The following CNTNAP5 variants were observed in gnomAD, a reference collection of about 807,000 sequenced individuals.
CNTNAP5 encodes contactin-associated protein-like 5.
Under a neutral mutation model 150.2 loss-of-function variants are expected in CNTNAP5, and 72 were observed. The ratio of observed to expected loss-of-function variants is 0.48; its 90% CI spans 0.40 to 0.58. CNTNAP5 has a LOEUF of 0.58. Ranked by LOEUF, CNTNAP5 falls within the 20% of genes least tolerant of loss-of-function variation. The pLI is 0.00. For synonymous variants in CNTNAP5, 672 were observed against 619.8 expected, an observed-to-expected ratio of 1.08 and a Z score of -1.25; for missense variants, 1,636 against 1,626.2, an observed-to-expected ratio of 1.01 and a Z score of -0.10.
chr2:124,387,198 A>G (rs1372995631), intron 3 of CNTNAP5, among the ~76,000 whole-genome samples: 20 of 152,376 alleles, frequency 1.3e-4, no homozygotes, highest in Non-Finnish European at 1.5e-5. Flanking sequence ...TTGTGGCCTG[A>G]TAAAGATGAG....
chr2:124,665,420 TGTTA>T (rs1256114150), intron 13 of CNTNAP5, among the ~76,000 whole-genome samples: 1 of 152,228 alleles, frequency 6.6e-6, no homozygotes, highest in African/African-American at 2.4e-5. Flanking sequence ...ATAGTTTCAG[TGTTA>T]GTTCAAGCTA....
intron 7 of CNTNAP5, among the ~76,000 whole-genome samples, chr2:124,482,674 T>G (rs191763876): frequency 1.3e-5 from 2 of 152,188 alleles, no homozygotes; most frequent in African/African-American, 4.8e-5. Context: ...GGCGGAATCC[T>G]TGTCTTTGGT....
At chr2:124,102,863 G>A (rs1170404642) in intron 1 of CNTNAP5, among the ~76,000 whole-genome samples, 2 of 152,148 alleles carry the variant, frequency 1.3e-5, no homozygotes, top group East Asian at 1.9e-4. Flanking sequence ...TACATGCAAA[G>A]TACACAATAA....
intron 21 of CNTNAP5, among the ~76,000 whole-genome samples, chr2:124,900,910 G>A (rs1471730032): frequency 6.6e-6 from 1 of 151,622 alleles, no homozygotes; most frequent in African/African-American, 2.4e-5. Context: ...TCTGGGTACA[G>A]TGAGTTCTGG....
Position 124,424,967 on chromosome 2 carries a change from A to G in CNTNAP5, c.529+7377A>G, listed in dbSNP as rs570624645. 6.6e-5 allele frequency among the ~76,000 whole-genome samples: 10 copies of G among 152,342 alleles called. No homozygotes were observed. In the South Asian group the frequency reaches 1.9e-3, roughly 28 times the overall value. ...ATGTGATTTGACTGGCGATATTGCT[A>G]TTATTCCTGTGACCCATATGCTAAT... is the stretch of plus-strand genomic sequence containing the variant. On this transcript the variant is annotated intron_variant, in intron 4 of 23. Coordinates refer to ENST00000682447, the MANE Select transcript of CNTNAP5 (RefSeq NM_001367498.1).
At chr2:124,362,390 G>A (rs1446792304) in intron 3 of CNTNAP5, among the ~76,000 whole-genome samples, 1 of 152,164 alleles carries the variant, frequency 6.6e-6, no homozygotes, top group Admixed American at 6.5e-5. Flanking sequence ...CGATAAAGAG[G>A]ATATATCGAC....
intron 13 of CNTNAP5, among the ~76,000 whole-genome samples, chr2:124,689,506 T>C (rs1679256130): frequency 1.3e-5 from 2 of 152,224 alleles, no homozygotes; most frequent in Admixed American, 6.5e-5. Context: ...TGTCTCTGCA[T>C]GTATACATGT....
At chr2:124,348,996 T>A (rs1443620173) in intron 3 of CNTNAP5, among the ~76,000 whole-genome samples, 3 of 152,232 alleles carry the variant, frequency 2.0e-5, no homozygotes, top group African/African-American at 7.2e-5. Flanking sequence ...AGGTGTGTGT[T>A]CTTGCCAATT....
At chr2:124,358,364 G>A (rs1227990299) in intron 3 of CNTNAP5, among the ~76,000 whole-genome samples, 7 of 152,242 alleles carry the variant, frequency 4.6e-5, no homozygotes, top group Middle Eastern at 3.4e-3. Flanking sequence ...GTGAGAGAGG[G>A]CATCCCTGTC....
intron 7 of CNTNAP5, 81 bp downstream of exon 7, chr2:124,474,963 C>A: frequency 1.6e-6 from 2 of 1,234,930 alleles, no homozygotes; most frequent in Non-Finnish European, 2.3e-6. Context: ...ATTCCTGAAC[C>A]CATTCGTAAT....
chr2:124,680,759 A>G (rs1679048611), intron 13 of CNTNAP5: 2 of 151,998 alleles, frequency 1.3e-5, no homozygotes, highest in South Asian at 4.1e-4. Flanking sequence ...GTCTGTACAT[A>G]TAAACATTGT....
intron 13 of CNTNAP5, among the ~76,000 whole-genome samples, chr2:124,713,296 T>G (rs377153621): frequency 7.8e-6 from 1 of 128,600 alleles, no homozygotes; most frequent in Non-Finnish European, 1.7e-5. Context: ...TTTCTTTCTT[T>G]CTTTCTTCTT....
At position 124,434,467 on chromosome 2, in the gene CNTNAP5, T is replaced by A; in HGVS notation, c.530-17T>A. 6.2e-7 allele frequency: 1 copy of A among 1,605,598 alleles called. No homozygotes were observed. Reference sequence around the variant, plus strand: ...ATATGCACTAATTTTTCTTTCCCGCTCCTTCTTTGTTCCCAGAATCAGATG... The same window carrying A: ...ATATGCACTAATTTTTCTTTCCCGCACCTTCTTTGTTCCCAGAATCAGATG... On this transcript the variant is annotated splice_polypyrimidine_tract_variant and intron_variant, in intron 4 of 23. Coordinates refer to ENST00000682447, the MANE Select transcript of CNTNAP5 (RefSeq NM_001367498.1).
intron 10 of CNTNAP5, among the ~76,000 whole-genome samples, chr2:124,561,574 G>A (rs549386533): frequency 2.6e-5 from 4 of 152,106 alleles, no homozygotes; most frequent in Non-Finnish European, 5.9e-5. Context: ...AATACATCCC[G>A]TAACAAAACT....
At chr2:124,097,858 C>T (rs969685182) in intron 1 of CNTNAP5, among the ~76,000 whole-genome samples, 1 of 152,154 alleles carries the variant, frequency 6.6e-6, no homozygotes, top group Non-Finnish European at 1.5e-5. Flanking sequence ...GAAACCCCGT[C>T]TCTACTAAAA....
rs563507080 is a variant in CNTNAP5 at position 124,112,080 on chromosome 2, T to C, written c.82+86348T>C. On this transcript the variant is annotated intron_variant, in intron 1 of 23. Transcript: ENST00000682447. Reference sequence around the variant, plus strand: ...GTTTCATGTGTTCTCCCAAGCAAATTTGAAACTCCCTGAAGGCAAACATAG... The same window carrying C: ...GTTTCATGTGTTCTCCCAAGCAAATCTGAAACTCCCTGAAGGCAAACATAG... Among the ~76,000 whole-genome samples, 30 of 152,306 alleles carry C rather than the reference T, an allele frequency of 2.0e-4. No homozygotes were observed. In the South Asian group the frequency reaches 2.9e-3, roughly 15 times the overall value.
At chr2:124,106,544 C>A (rs762257132) in intron 1 of CNTNAP5, among the ~76,000 whole-genome samples, 1 of 152,156 alleles carries the variant, frequency 6.6e-6, no homozygotes, top group Admixed American at 6.5e-5. Context: ...TGTCAGTGAG[C>A]GCTTTGGGGT....
At chr2:124,303,013 A>G (rs901373305) in intron 3 of CNTNAP5, among the ~76,000 whole-genome samples, 2 of 152,150 alleles carry the variant, frequency 1.3e-5, no homozygotes, top group African/African-American at 4.8e-5. Flanking sequence ...GCCTACATAA[A>G]GGGACAAACC....
chr2:124,809,144 G>A (rs907964520), intron 19 of CNTNAP5, among the ~76,000 whole-genome samples: 8 of 152,090 alleles, frequency 5.3e-5, no homozygotes, highest in Non-Finnish European at 8.8e-5. Flanking sequence ...ACTGGCCTGC[G>A]TAGCTCCTTC....
Sources: allele counts gnomAD v4.1 joint callset (sites outside exome capture counted in the v4.1 genomes callset), GRCh38; gene constraint gnomAD v4.1.1; transcripts MANE v1.5; gene names NCBI Gene and HGNC (gene_info 2026-07-23, HGNC 2026-07-21).